The following IQCJ variants were observed in gnomAD, a reference collection of about 807,000 sequenced individuals.
The protein encoded by IQCJ is IQ motif containing J, also known as IQ domain-containing protein J.
In IQCJ, 9 loss-of-function variants were observed where a neutral mutation model predicts 11.0. The ratio of observed to expected loss-of-function variants is 0.82; its 90% CI spans 0.49 to 1.43. IQCJ has a LOEUF of 1.43. Ranked by LOEUF, IQCJ falls within the 40% of genes most tolerant of loss-of-function variation. The pLI, the probability that IQCJ is intolerant of heterozygous loss-of-function variation, is 0.00. For missense variants in IQCJ, 146 were observed against 133.2 expected (o/e 1.10, Z -0.47); for synonymous variants, 55 against 51.3 (o/e 1.07, Z -0.31).
At chr3:159,255,894 A>G (rs1475407097) in intron 3 of IQCJ, among the ~76,000 whole-genome samples, 1 of 152,220 alleles carries the variant, frequency 6.6e-6, no homozygotes, top group Non-Finnish European at 1.5e-5. Context: ...CACCAAAAGG[A>G]AGGCTCTCTG....
chr3:159,170,169 TCC>T (rs1722413244), intron 1 of IQCJ, among the ~76,000 whole-genome samples: 1 of 152,140 alleles, frequency 6.6e-6, no homozygotes, highest in Non-Finnish European at 1.5e-5. Context: ...TTTGGAGACT[TCC>T]TAAAGCCAAT....
At chr3:159,186,680 T>C (rs1723388298) in intron 1 of IQCJ, among the ~76,000 whole-genome samples, 1 of 152,206 alleles carries the variant, frequency 6.6e-6, no homozygotes, top group Admixed American at 6.5e-5. Flanking sequence ...GTGACTGTTA[T>C]TGTTCTGTCT....
chr3:159,081,431 G>A (rs1716302821), intron 1 of IQCJ, among the ~76,000 whole-genome samples: 1 of 152,024 alleles, frequency 6.6e-6, no homozygotes, highest in South Asian at 2.1e-4. Context: ...TGTGGCAGGA[G>A]GAACCACCAA....
chr3:159,220,380 G>A (rs1310727731), intron 1 of IQCJ, among the ~76,000 whole-genome samples: 1 of 152,060 alleles, frequency 6.6e-6, no homozygotes, highest in Non-Finnish European at 1.5e-5. Flanking sequence ...TAGTAAGAGT[G>A]GTGTCCTAAT....
chr3:159,247,150 G>A (rs900074358), intron 2 of IQCJ, among the ~76,000 whole-genome samples: 2 of 152,266 alleles, frequency 1.3e-5, no homozygotes, highest in South Asian at 4.1e-4. Flanking sequence ...AGGCTGGAGT[G>A]CAGTGGCACT....
At chr3:159,176,572 A>G (rs974734783) in intron 1 of IQCJ, among the ~76,000 whole-genome samples, 7 of 152,218 alleles carry the variant, frequency 4.6e-5, no homozygotes, top group Non-Finnish European at 8.8e-5. Flanking sequence ...TAGTAGAAAT[A>G]GAATGCAAGC....
At chr3:159,201,444 A>G (rs1229029476) in intron 1 of IQCJ, among the ~76,000 whole-genome samples, 1 of 152,114 alleles carries the variant, frequency 6.6e-6, no homozygotes, top group Admixed American at 6.6e-5. Context: ...TATTACTAAA[A>G]TATGATTTTA....
intron 1 of IQCJ, among the ~76,000 whole-genome samples, chr3:159,144,765 A>G (rs1053976606): frequency 6.6e-6 from 1 of 152,222 alleles, no homozygotes; most frequent in Admixed American, 6.5e-5. Context: ...TGGGTAGAAA[A>G]GACAACATCA....
intron 1 of IQCJ, among the ~76,000 whole-genome samples, chr3:159,086,771 TC>T (rs1382156471): frequency 6.6e-6 from 1 of 152,212 alleles, no homozygotes; most frequent in Non-Finnish European, 1.5e-5. Flanking sequence ...TGATTTTGTA[TC>T]CTGAGACCTT....
intron 1 of IQCJ, among the ~76,000 whole-genome samples, chr3:159,220,668 G>A (rs1725482707): frequency 6.6e-6 from 1 of 152,168 alleles, no homozygotes; most frequent in African/African-American, 2.4e-5. Flanking sequence ...CTGCTCTGTT[G>A]TCCTGGGTTC....
Position 159,212,859 on chromosome 3 carries a change from C to A in IQCJ, c.10-32984C>A, listed in dbSNP as rs539924201. On this transcript the variant is annotated intron_variant, in intron 1 of 3. Transcript: ENST00000397832. ...GAATTTACTCCTCAACCACTAAAAC[C>A]TGACTTTTGCCCTCAGTATATGACT... 2.0e-5 allele frequency among the ~76,000 whole-genome samples: 3 copies of A among 152,348 alleles called. No homozygotes were observed. The East Asian group carries it at 5.8e-4, about 29-fold the overall frequency.
chr3:159,139,933 T>C (rs1402619692), intron 1 of IQCJ, among the ~76,000 whole-genome samples: 2 of 152,208 alleles, frequency 1.3e-5, no homozygotes, highest in Non-Finnish European at 2.9e-5. Flanking sequence ...CAAACCCAGG[T>C]CTTCTGACTG....
At chr3:159,255,085 T>C (rs922087902) in intron 3 of IQCJ, among the ~76,000 whole-genome samples, 4 of 152,170 alleles carry the variant, frequency 2.6e-5, no homozygotes, top group Admixed American at 6.5e-5. Context: ...CTGAAGAGCA[T>C]TGGGTATAAA....
chr3:159,132,922 T>G (rs1398953359), intron 1 of IQCJ, among the ~76,000 whole-genome samples: 1 of 146,058 alleles, frequency 6.8e-6, no homozygotes, highest in Non-Finnish European at 1.5e-5. Flanking sequence ...CTTTCTTGCT[T>G]GCTTTCTTTC....
chr3:159,246,044 C>T (rs1422705886), intron 2 of IQCJ, 137 bp downstream of exon 2: 1 of 637,288 alleles, frequency 1.6e-6, no homozygotes, highest in Non-Finnish European at 2.6e-6. Flanking sequence ...AGAAATGTGG[C>T]TCATTTGAGA....
At chr3:159,114,560 C>T (rs919095044) in intron 1 of IQCJ, among the ~76,000 whole-genome samples, 1 of 152,144 alleles carries the variant, frequency 6.6e-6, no homozygotes, top group South Asian at 2.1e-4. Flanking sequence ...ATCCACCCCC[C>T]CTCGGCCTCT....
At chr3:159,141,759 CA>C (rs1720618047) in intron 1 of IQCJ, among the ~76,000 whole-genome samples, 1 of 152,108 alleles carries the variant, frequency 6.6e-6, no homozygotes, top group Admixed American at 6.5e-5. Flanking sequence ...ATTATGTGAG[CA>C]CTTACTATAT....
At chr3:159,070,627 T>C (rs2108039450) in intron 1 of IQCJ, among the ~76,000 whole-genome samples, 1 of 152,250 alleles carries the variant, frequency 6.6e-6, no homozygotes, top group South Asian at 2.1e-4. Context: ...CTTTGCATTA[T>C]GCTCTTTTTG....
At chr3:159,261,762 T>C (rs1728223738) in intron 3 of IQCJ, among the ~76,000 whole-genome samples, 1 of 152,248 alleles carries the variant, frequency 6.6e-6, no homozygotes, top group Non-Finnish European at 1.5e-5. Flanking sequence ...GTTTCCGTTA[T>C]CCTGAGCAGA....
Sources: gnomAD v4.1 joint callset for allele counts (sites outside exome capture counted in the v4.1 genomes callset) on GRCh38, gnomAD v4.1.1 for gene constraint, MANE v1.5 for transcripts, NCBI Gene and HGNC (gene_info 2026-07-23, HGNC 2026-07-21) for gene names.